EFCAB6: variants seen among roughly 807,000 people sequenced by gnomAD.
EFCAB6 encodes the protein EF-hand calcium-binding domain-containing protein 6.
In EFCAB6, 156 loss-of-function variants were observed where a neutral mutation model predicts 169.8. The ratio of observed to expected loss-of-function variants is 0.92; its 90% CI spans 0.81 to 1.05. The LOEUF (loss-of-function observed/expected upper bound fraction) is 1.05, where lower values mean the gene tolerates loss of function less well. Ranked by LOEUF, EFCAB6 falls within the 50% of genes least tolerant of loss-of-function variation. EFCAB6 has a pLI of 0.00. For missense variants in EFCAB6, 1,800 were observed against 1,829.1 expected (o/e 0.98, Z 0.29); for synonymous variants, 698 against 676.4 (o/e 1.03, Z -0.50).
intron 4 of EFCAB6, among the ~76,000 whole-genome samples, chr22:43,770,830 AAGAC>A (rs927167758): frequency 1.2e-4 from 19 of 152,318 alleles, no homozygotes; most frequent in African/African-American, 4.1e-4. Flanking sequence ...TTCAAAAAAA[AAGAC>A]AGAATTAAAA....
chr22:43,664,953 G>C (rs938643724), intron 17 of EFCAB6, among the ~76,000 whole-genome samples: 19 of 152,142 alleles, frequency 1.2e-4, no homozygotes, highest in Non-Finnish European at 2.9e-5. Context: ...GGAGATGCTG[G>C]GGGGAGCAGT....
At chr22:43,799,151 A>C (rs1336666718) in intron 2 of EFCAB6, among the ~76,000 whole-genome samples, 2 of 151,108 alleles carry the variant, frequency 1.3e-5, no homozygotes, top group Non-Finnish European at 2.9e-5. Context: ...ACATAGTGAG[A>C]CCTCGTCTTT....
At chr22:43,591,851 T>C (rs933042503) in intron 23 of EFCAB6, among the ~76,000 whole-genome samples, 1 of 152,186 alleles carries the variant, frequency 6.6e-6, no homozygotes, top group Non-Finnish European at 1.5e-5. Flanking sequence ...AGTGTAGAAA[T>C]CTTTAAGAAG....
At chr22:43,645,348 A>G (rs1250116456) in intron 17 of EFCAB6, among the ~76,000 whole-genome samples, 5 of 152,254 alleles carry the variant, frequency 3.3e-5, no homozygotes, top group Non-Finnish European at 7.3e-5. Flanking sequence ...GAGGAAAAAA[A>G]GTACGCAAGT....
intron 27 of EFCAB6, chr22:43,552,833 G>A (rs2048459937): frequency 6.6e-6 from 1 of 152,026 alleles, no homozygotes; most frequent in South Asian, 2.1e-4. Context: ...GTAAAACCTT[G>A]ATTACTTGGC....
chr22:43,627,614 C>T (rs940640762), intron 19 of EFCAB6, among the ~76,000 whole-genome samples: 2 of 152,194 alleles, frequency 1.3e-5, no homozygotes, highest in African/African-American at 4.8e-5. Context: ...ATGCCTGTTT[C>T]CCACATGCAC....
chr22:43,590,385 TAA>T (rs1414025905), intron 23 of EFCAB6, among the ~76,000 whole-genome samples, 156 bp from the exon 24 acceptor site: 1 of 118,882 alleles, frequency 8.4e-6, no homozygotes, highest in Admixed American at 9.6e-5. Context: ...ATACTGACAT[TAA>T]AAGATATCCC....
Position 43,580,475 on chromosome 22 carries a change from C to A in EFCAB6, c.3217G>T (p.Ala1073Ser). 1.2e-6 allele frequency: 2 copies of A among 1,613,950 alleles called. No homozygotes were observed. The highest frequency in any genetic ancestry group is 1.7e-5 in the Admixed American group (1 of 59,994). ...TCAGCCTGTCATACCGTGGACAAAG[C>A]CAGCTGGGAGGACTCAACTACTTCC... ...IQEVVESSQL[A>S]LSTAFSALDK... The change falls in exon 25 of 32, where the codon GCT becomes TCT. Residue 1073 changes from alanine to serine, a missense_variant. Ala to Ser is a moderately conservative substitution (Grantham distance 99, BLOSUM62 1). Coordinates refer to ENST00000262726, the MANE Select transcript of EFCAB6 (RefSeq NM_022785.4).
At chr22:43,668,329 T>C (rs2057350062) in intron 16 of EFCAB6, among the ~76,000 whole-genome samples, 1 of 152,240 alleles carries the variant, frequency 6.6e-6, no homozygotes. Flanking sequence ...TAAACCTGTA[T>C]TTTTAAAATG....
intron 8 of EFCAB6, among the ~76,000 whole-genome samples, chr22:43,725,680 G>T (rs966224335): frequency 1.3e-5 from 2 of 152,214 alleles, no homozygotes; most frequent in African/African-American, 2.4e-5. Context: ...GAACTGGTAG[G>T]ATGGCAGCGG....
chr22:43,733,204 A>T (rs1426812527), intron 7 of EFCAB6, among the ~76,000 whole-genome samples: 1 of 152,190 alleles, frequency 6.6e-6, no homozygotes, highest in Non-Finnish European at 1.5e-5. Context: ...TGTGAAAATG[A>T]GGTGGTAAGT....
chr22:43,607,761 A>G (rs1206654767), intron 22 of EFCAB6, among the ~76,000 whole-genome samples: 1 of 152,132 alleles, frequency 6.6e-6, no homozygotes, highest in Non-Finnish European at 1.5e-5. Context: ...ATGTTGGTAT[A>G]CCATCCTGGG....
At chr22:43,530,995 G>A in intron 30 of EFCAB6, 31 bp from the exon 31 acceptor site, 1 of 1,612,998 alleles carries the variant, frequency 6.2e-7, no homozygotes, top group Non-Finnish European at 8.5e-7. Flanking sequence ...GGTGAGGAGG[G>A]AGCTTTTGAA....
Position 43,772,673 on chromosome 22 carries a change from A to G in EFCAB6, c.351+219T>C, listed in dbSNP as rs1267639784. Among the ~76,000 whole-genome samples the G allele has an allele frequency of 1.3e-5, 2 of 152,062 alleles. 1 individual carries two copies. Among genetic ancestry groups the G allele is most frequent in the Non-Finnish European group, 2.9e-5 (2 of 68,008 alleles). ...AAAAAAAAAAAGAAAGAAAGAAATG[A>G]AAAGAAACTGGCTGGAGCAGCGCTA... On this transcript the variant is annotated intron_variant, in intron 4 of 31. Coordinates refer to ENST00000262726, the MANE Select transcript of EFCAB6 (RefSeq NM_022785.4).
chr22:43,654,295 C>T (rs1251209426), intron 17 of EFCAB6, among the ~76,000 whole-genome samples: 2 of 152,230 alleles, frequency 1.3e-5, no homozygotes, highest in Non-Finnish European at 2.9e-5. Flanking sequence ...CACTTCTTCC[C>T]TGAGGGCTGT....
At chr22:43,609,801 T>C (rs1263489217) in intron 21 of EFCAB6, among the ~76,000 whole-genome samples, 1 of 152,220 alleles carries the variant, frequency 6.6e-6, no homozygotes, top group Non-Finnish European at 1.5e-5. Context: ...TTAATTAAGA[T>C]GTATCACTAA....
At chr22:43,767,300 C>T (rs2061349838) in intron 4 of EFCAB6, among the ~76,000 whole-genome samples, 1 of 152,198 alleles carries the variant, frequency 6.6e-6, no homozygotes, top group Admixed American at 6.5e-5. Flanking sequence ...GAGGGGCTCA[C>T]AGGGTGGGCC....
intron 28 of EFCAB6, among the ~76,000 whole-genome samples, chr22:43,538,382 T>G (rs1041881538): frequency 2.6e-5 from 4 of 152,084 alleles, no homozygotes; most frequent in African/African-American, 9.7e-5. Flanking sequence ...GAGTGTTTTT[T>G]GTTTTTTTGT....
intron 8 of EFCAB6, among the ~76,000 whole-genome samples, chr22:43,729,146 A>G (rs2059846257): frequency 6.6e-6 from 1 of 152,230 alleles, no homozygotes; most frequent in Admixed American, 6.5e-5. Flanking sequence ...GTGAACTAAC[A>G]GAGCAAGAAC....
Sources: gnomAD v4.1 joint callset for allele counts (sites outside exome capture counted in the v4.1 genomes callset) on GRCh38, gnomAD v4.1.1 for gene constraint, MANE v1.5 for transcripts, NCBI Gene and HGNC (gene_info 2026-07-23, HGNC 2026-07-21) for gene names.